Variants in PRDM11 observed in about 807,000 individuals in gnomAD.
PRDM11 encodes the protein PR/SET domain 11, also known as PR domain-containing protein 11.
A neutral mutation model predicts 97.8 loss-of-function variants in PRDM11; 20 were observed. The observed-to-expected ratio is 0.20, with a 90% CI of 0.14 to 0.30. The LOEUF is 0.30. Among genes scored for constraint, PRDM11 ranks in the 10% least tolerant of loss-of-function variants. The probability of loss-of-function intolerance (pLI) is 1.00; values close to 1 mark genes in which losing one functional copy is unlikely to be tolerated. For missense variants in PRDM11, 1,139 were observed against 1,555.2 expected (o/e 0.73, Z 4.50); for synonymous variants, 599 against 637.7 (o/e 0.94, Z 0.91).
chr11:45,115,341 G>A (rs959969196), intron 1 of PRDM11, among the ~76,000 whole-genome samples: 7 of 151,986 alleles, frequency 4.6e-5, no homozygotes, highest in East Asian at 3.8e-4. Context: ...TAGAGAAAAG[G>A]TTCTTTAAAA....
At chr11:45,131,109 C>T (rs1007128505) in intron 1 of PRDM11, among the ~76,000 whole-genome samples, 1 of 152,138 alleles carries the variant, frequency 6.6e-6, no homozygotes, top group Non-Finnish European at 1.5e-5. Flanking sequence ...GAATGAATCA[C>T]ACAGATACAA....
intron 1 of PRDM11, among the ~76,000 whole-genome samples, chr11:45,147,098 G>A (rs1263046275): frequency 6.7e-6 from 1 of 150,058 alleles, no homozygotes; most frequent in African/African-American, 2.4e-5. Context: ...TGAACCCTCG[G>A]CAGGTAGCTG....
At chr11:45,169,112 C>G (rs1852139908) in intron 1 of PRDM11, among the ~76,000 whole-genome samples, 1 of 152,104 alleles carries the variant, frequency 6.6e-6, no homozygotes, top group South Asian at 2.1e-4. Flanking sequence ...GGAGAGGCAA[C>G]CTGGGACTTG....
At chr11:45,122,496 C>G (rs1235963891) in intron 1 of PRDM11, among the ~76,000 whole-genome samples, 1 of 142,086 alleles carries the variant, frequency 7.0e-6, no homozygotes, top group Non-Finnish European at 1.5e-5. Context: ...CCCCCTCCCT[C>G]CACCCCACAA....
At chr11:45,167,010 T>C (rs1032674434) in intron 1 of PRDM11, among the ~76,000 whole-genome samples, 5 of 152,234 alleles carry the variant, frequency 3.3e-5, no homozygotes, top group African/African-American at 1.2e-4. Flanking sequence ...AGCTCATTCA[T>C]ATTGTTTGTT....
intron 1 of PRDM11, among the ~76,000 whole-genome samples, chr11:45,115,991 A>G (rs1422449031): frequency 3.3e-5 from 5 of 152,164 alleles, no homozygotes; most frequent in Admixed American, 1.3e-4. Flanking sequence ...ATCAGGTTAA[A>G]CATGTTTTAA....
Position 45,183,127 on chromosome 11 carries a change from AGT to A in PRDM11, c.486+8_486+9del. On this transcript the variant is annotated splice_donor_5th_base_variant and intron_variant, in intron 4 of 7. Transcript: ENST00000683152. The stretch of plus-strand genomic sequence containing the variant: ...AGCTGGCTTCTTCTCCTGGCTGGTG[AGT>A]GTGCCCTGGGCTATTCATGGGAGAG... 6.2e-7 allele frequency: 1 copy of A among 1,610,512 alleles called. No individual in the cohort carries two copies. The highest frequency in any genetic ancestry group is 1.1e-5 in the South Asian group (1 of 90,546).
chr11:45,165,049 G>A (rs1161909208), intron 1 of PRDM11, among the ~76,000 whole-genome samples: 1 of 152,202 alleles, frequency 6.6e-6, no homozygotes, highest in Non-Finnish European at 1.5e-5. Context: ...GTGGCAGGGG[G>A]CGGGGGTAAC....
intron 1 of PRDM11, among the ~76,000 whole-genome samples, chr11:45,181,062 C>T (rs974915589): frequency 1.4e-4 from 21 of 152,326 alleles, no homozygotes; most frequent in African/African-American, 4.6e-4. Context: ...GCCGTCCCAG[C>T]CCCAGGCTGC....
At chr11:45,221,775 G>T (rs1854127816) in intron 6 of PRDM11, among the ~76,000 whole-genome samples, 1 of 152,198 alleles carries the variant, frequency 6.6e-6, no homozygotes, top group Non-Finnish European at 1.5e-5. Context: ...GAAAGTCACA[G>T]TGGGGCAGTT....
chr11:45,105,047 A>G (rs1852038283), intron 1 of PRDM11, among the ~76,000 whole-genome samples: 1 of 152,234 alleles, frequency 6.6e-6, no homozygotes. Flanking sequence ...TGTATTTCTT[A>G]TAGTTCTGGG....
Position 45,183,045 on chromosome 11 carries a change from C to A in PRDM11, c.408C>A (p.Ile136=). The part of the protein sequence containing the change: ...ESDVRCVNEV[I]PKGHIFGPYE... ...ACGTGCGATGTGTAAACGAGGTCAT[C>A]CCCAAGGGCCACATCTTCGGCCCCT... Residue 136 remains isoleucine (I), a synonymous_variant, in exon 4 of 8, where the codon ATC becomes ATA. Coordinates refer to ENST00000683152, the MANE Select transcript of PRDM11 (RefSeq NM_001384648.1). The A allele has an allele frequency of 6.2e-7, 1 of 1,614,132 alleles. No individual in the cohort carries two copies. Among genetic ancestry groups the A allele is most frequent in the Non-Finnish European group, 8.5e-7 (1 of 1,180,018 alleles).
chr11:45,135,697 G>T (rs1005954772), intron 1 of PRDM11, among the ~76,000 whole-genome samples: 4 of 152,132 alleles, frequency 2.6e-5, no homozygotes, highest in African/African-American at 9.7e-5. Context: ...AATGCACCAG[G>T]TCCCTGAAGG....
intron 7 of PRDM11, 98 bp from the exon 8 acceptor site, chr11:45,225,897 T>C (rs2135855989): frequency 7.2e-7 from 1 of 1,381,606 alleles, no homozygotes; most frequent in Non-Finnish European, 9.5e-7. Context: ...CTGTTTCCCA[T>C]GGTGTGGCAC....
chr11:45,213,141 C>T (rs1402677205), intron 5 of PRDM11: 1 of 456,548 alleles, frequency 2.2e-6, no homozygotes, highest in South Asian at 1.5e-5. Context: ...GATCGATGAC[C>T]CTTGTAGGAC....
At chr11:45,169,773 C>T (rs1409787717) in intron 1 of PRDM11, among the ~76,000 whole-genome samples, 2 of 152,186 alleles carry the variant, frequency 1.3e-5, no homozygotes, top group African/African-American at 4.8e-5. Flanking sequence ...CCAGGCAGCC[C>T]AGCACCAGAG....
chr11:45,189,186 C>T (rs1194167596), intron 4 of PRDM11, among the ~76,000 whole-genome samples: 1 of 152,188 alleles, frequency 6.6e-6, no homozygotes. Context: ...CAGGCTTGAG[C>T]CACCACACCC....
intron 5 of PRDM11, among the ~76,000 whole-genome samples, chr11:45,206,424 C>T (rs1482309399): frequency 1.3e-5 from 2 of 152,318 alleles, no homozygotes; most frequent in South Asian, 2.1e-4. Context: ...GGACCCCAAG[C>T]CTGTGCTGCT....
chr11:45,120,080 C>G (rs1852396609), intron 1 of PRDM11, among the ~76,000 whole-genome samples: 1 of 152,114 alleles, frequency 6.6e-6, no homozygotes, highest in African/African-American at 2.4e-5. Flanking sequence ...GAAAATATAT[C>G]AGAATTTTAA....
Sources: allele counts gnomAD v4.1 joint callset (sites outside exome capture counted in the v4.1 genomes callset), GRCh38; gene constraint gnomAD v4.1.1; transcripts MANE v1.5; gene names NCBI Gene and HGNC (gene_info 2026-07-23, HGNC 2026-07-21).